BTN3A3: variants seen among roughly 807,000 people sequenced by gnomAD.
BTN3A3 encodes the protein butyrophilin subfamily 3 member A3.
BTN3A3 carries 39 observed loss-of-function variants against 43.2 expected under a neutral mutation model. That is an observed-to-expected ratio of 0.90 (90% CI 0.70 to 1.18). The LOEUF (loss-of-function observed/expected upper bound fraction) is 1.18, where lower values mean the gene tolerates loss of function less well. Among genes scored for constraint, BTN3A3 ranks in the 50% most tolerant of loss-of-function variants. BTN3A3 has a pLI of 0.00. For synonymous variants in BTN3A3, 255 were observed against 272.7 expected (o/e 0.93, Z 0.64); for missense variants, 631 against 722.8 (o/e 0.87, Z 1.46).
Position 26,444,135 on chromosome 6 carries a change from G to A in BTN3A3, c.264G>A (p.Arg88=). 1 of 1,613,200 alleles carries A rather than the reference G, an allele frequency of 6.2e-7. No homozygotes were observed. The highest frequency in any genetic ancestry group is 8.5e-7 in the Non-Finnish European group (1 of 1,179,874). ...CAGATGGAAAGGAAGTGGAAGACAGGCAGAGTGCACCGTATCGAGGGAGAA... is the reference window on the plus strand; with the variant it reads ...CAGATGGAAAGGAAGTGGAAGACAGACAGAGTGCACCGTATCGAGGGAGAA... The part of the protein sequence containing the change: ...VYADGKEVED[R]QSAPYRGRTS... The change falls in exon 4 of 11, where the codon AGG becomes AGA. Residue 88 remains arginine, a synonymous_variant. Transcript: ENST00000244519.
chr6:26,448,868 C>T, intron 8 of BTN3A3, 114 bp downstream of exon 8: 1 of 1,273,674 alleles, frequency 7.9e-7, no homozygotes, highest in Non-Finnish European at 1.1e-6. Context: ...GGTCCTAGAT[C>T]CCTTTACTCA....
chr6:26,450,991 C>T (rs1486597327), intron 10 of BTN3A3, among the ~76,000 whole-genome samples: 1 of 152,134 alleles, frequency 6.6e-6, no homozygotes, highest in Non-Finnish European at 1.5e-5. Flanking sequence ...AACAGCAAAC[C>T]AGAAGACAAG....
In BTN3A3 at chr6:26,448,403, A is replaced by G; in HGVS notation, c.871A>G (p.Lys291Glu). The change falls in exon 6 of 11, where the codon AAA becomes GAA. Residue 291 changes from lysine (K) to glutamate (E), a missense_variant. This residue lies in a region of BTN3A3 where 551 missense variants were observed against 584.0 expected (regional missense o/e 0.94). Transcript: ENST00000244519. ...GGAGACAGAAAGAGAGCGAGAGATG[A>G]AAGAAATGGGATACGCTGCAACAGA... ...SRETEREREM[K>E]EMGYAATEQE... 6.2e-7 allele frequency: 1 copy of G among 1,613,958 alleles called. No homozygotes were observed. The highest frequency in any genetic ancestry group is 8.5e-7 in the Non-Finnish European group (1 of 1,179,990).
At position 26,448,729 on chromosome 6, in the gene BTN3A3, G is replaced by C. The variant is rs747007139; in HGVS notation, c.939G>C (p.Lys313Asn). Residue 313 changes from lysine (K) to asparagine (N), a missense_variant and splice_region_variant, in exon 8 of 11, where the codon AAG becomes AAC. Lys to Asn is a moderately conservative substitution (Grantham distance 94). Around this residue, in one of 2 missense-constraint regions of BTN3A3, gnomAD observed 551 missense variants for 584.0 expected, o/e 0.94. Transcript: ENST00000244519. ...SLREKLQEEL[K>N]WRKIQYMARG... ...CCTTCCCTATTCATTCCATTGCAGA[G>C]TGGAGGAAAATCCAGTACATGGCTC... 1.9e-6 allele frequency: 3 copies of C among 1,613,886 alleles called. No homozygotes were observed. The highest frequency in any genetic ancestry group is 2.5e-6 in the Non-Finnish European group (3 of 1,179,996).
chr6:26,444,375 A>C (rs1762718817), intron 4 of BTN3A3, 71 bp downstream of exon 4: 3 of 1,609,540 alleles, frequency 1.9e-6, no homozygotes, highest in East Asian at 2.2e-5. Flanking sequence ...TCCCTCTTCC[A>C]AAAGTACTGC....
chr6:26,448,676 T>C (rs1227185794), intron 7 of BTN3A3, 39 bp downstream of exon 7: 4 of 1,614,096 alleles, frequency 2.5e-6, no homozygotes, highest in Middle Eastern at 1.6e-4. Context: ...GCATGTCTTC[T>C]TATCCCCACT....
intron 9 of BTN3A3, 105 bp from the exon 10 acceptor site, chr6:26,450,002 G>A: frequency 7.6e-7 from 1 of 1,322,372 alleles, no homozygotes; most frequent in Non-Finnish European, 1.1e-6. Flanking sequence ...AAGCCTGGAA[G>A]AGACTCTGAA....
Position 26,451,895 on chromosome 6 carries a change from T to C in BTN3A3, c.1239T>C (p.Ser413=). The C allele has an allele frequency of 3.7e-6, 6 of 1,614,024 alleles. No homozygotes were observed. The highest frequency in any genetic ancestry group is 5.1e-6 in the Non-Finnish European group (6 of 1,179,998). The change falls in exon 11 of 11, where the codon AGT becomes AGC. Residue 413 remains serine (S), a synonymous_variant. Transcript: ENST00000244519. ...DRKEWHIGVC[S]KNVERKKGWV... ...AAGAGTGGCATATTGGGGTATGTAG[T>C]AAGAACGTGGAGAGGAAAAAAGGTT...
chr6:26,445,927 C>T lies in BTN3A3; in HGVS notation c.657C>T (p.Ser219=). 1.9e-6 allele frequency: 3 copies of T among 1,614,098 alleles called. No individual in the cohort carries two copies. The highest frequency in any genetic ancestry group is 2.5e-6 in the Non-Finnish European group (3 of 1,180,018). Residue 219 remains serine (S), a synonymous_variant, in exon 5 of 11, where the codon TCC becomes TCT. Coordinates refer to ENST00000244519, the MANE Select transcript of BTN3A3 (RefSeq NM_006994.5). The part of the protein sequence containing the change: ...IMRGSSGGGV[S]CIIRNSLLGL... ...GAGGCAGCTCTGGTGGGGGTGTATC[C>T]TGCATCATCAGAAATTCCCTCCTCG...
Position 26,452,081 on chromosome 6 carries a change from T to C in BTN3A3, c.1425T>C (p.Tyr475=), listed in dbSNP as rs142813836. The C allele has an allele frequency of 5.0e-5, 80 of 1,614,184 alleles. No individual in the cohort carries two copies. Among genetic ancestry groups the C allele is most frequent in the East Asian group, 2.0e-4 (9 of 44,890 alleles). Residue 475 remains tyrosine, a synonymous_variant, in exon 11 of 11, where the codon TAT becomes TAC. Transcript: ENST00000244519. ...ATGAGACTGGAGAGATCTCGTTCTA[T>C]AATGCCACAGATGGATCTCATATCT... The part of the protein sequence containing the change: ...LDYETGEISF[Y]NATDGSHIYT...
rs145699923 is a variant in BTN3A3 at position 26,452,433 on chromosome 6, T to A, written c.*22T>A. 861 of 1,563,580 alleles carry A rather than the reference T, an allele frequency of 5.5e-4. 6 individuals carry two copies. The East Asian group carries it at 0.016, about 30-fold the overall frequency. On this transcript the variant is annotated 3_prime_UTR_variant, in exon 11 of 11. Transcript: ENST00000244519. ...CTGATATTCATTCCATTATTCCATA[T>A]GACAGTTGTTTTGAGTTTCGTACCA... is the stretch of plus-strand genomic sequence containing the variant.
At position 26,443,659 on chromosome 6, in the gene BTN3A3, G is replaced by C. The variant is rs992469756; in HGVS notation, c.85G>C (p.Ala29Pro). ...GGTCCAGCTGCTCACTCCTTGCTCA[G>C]GTAGGGAATGATTCCATGATTCCAC... ...FLVQLLTPCS[A>P]QFSVLGPSGP... Residue 29 changes from alanine (A) to proline (P), a missense_variant and splice_region_variant, in exon 3 of 11, where the codon GCT (alanine) becomes CCT (proline). Ala to Pro is a conservative substitution (Grantham distance 27). This residue lies in a region of BTN3A3 where 80 missense variants were observed against 138.7 expected (regional missense o/e 0.58). Transcript: ENST00000244519. 3.7e-6 allele frequency: 6 copies of C among 1,614,030 alleles called. No homozygotes were observed. The Admixed American group carries it at 1.0e-4, about 27-fold the overall frequency.
At chr6:26,451,595 G>C in intron 10 of BTN3A3, 80 bp from the exon 11 acceptor site, 1 of 1,537,332 alleles carries the variant, frequency 6.5e-7, no homozygotes, top group South Asian at 1.3e-5. Context: ...TCCTTAGCAT[G>C]GTCCAGGCCT....
At position 26,452,420 on chromosome 6, in the gene BTN3A3, C is replaced by T. The variant is rs1305739367; in HGVS notation, c.*9C>T. On this transcript the variant is annotated 3_prime_UTR_variant, in exon 11 of 11. Coordinates refer to ENST00000244519, the MANE Select transcript of BTN3A3 (RefSeq NM_006994.5). ...CTGAAGCACTTTACTGATATTCATT[C>T]CATTATTCCATATGACAGTTGTTTT... 1.3e-6 allele frequency: 2 copies of T among 1,582,830 alleles called. No homozygotes were observed. The highest frequency in any genetic ancestry group is 1.1e-5 in the South Asian group (1 of 88,956).
Position 26,444,286 on chromosome 6 carries a change from G to A in BTN3A3, c.415G>A (p.Val139Met), listed in dbSNP as rs1209754037. 4.3e-6 allele frequency: 7 copies of A among 1,612,042 alleles called. No individual in the cohort carries two copies. In the South Asian group the frequency reaches 6.6e-5, roughly 15 times the overall value. ...QDGDFYEKAL[V>M]ELKVAALGSD... ...TGGTGACTTCTACGAAAAAGCCCTG[G>A]TGGAGCTGAAGGTTGCAGGTGAGCC... The change falls in exon 4 of 11, where the codon GTG becomes ATG. Residue 139 changes from valine to methionine, a missense_variant. Physicochemically the swap from Val to Met is conservative, Grantham distance 21. This residue lies in a region of BTN3A3 where 551 missense variants were observed against 584.0 expected (regional missense o/e 0.94). Coordinates refer to ENST00000244519, the MANE Select transcript of BTN3A3 (RefSeq NM_006994.5).
chr6:26,447,446 C>T (rs1229538018), intron 5 of BTN3A3, among the ~76,000 whole-genome samples: 2 of 151,180 alleles, frequency 1.3e-5, no homozygotes, highest in Non-Finnish European at 2.9e-5. Flanking sequence ...CACTGCAAGC[C>T]CCGCTTCCTG....
At position 26,448,353 on chromosome 6, in the gene BTN3A3, A is replaced by G. The variant is rs760817724; in HGVS notation, c.821A>G (p.Gln274Arg). ...GCCAGTTACTTCTTGTGGAGACAACAGAAGGAAAAAATTGCTCTGTCCAGG... is the reference window on the plus strand; with the variant it reads ...GCCAGTTACTTCTTGTGGAGACAACGGAAGGAAAAAATTGCTCTGTCCAGG... ...AGASYFLWRQQKEKIALSRET... is the reference protein window; with the variant it reads ...AGASYFLWRQRKEKIALSRET... Residue 274 changes from glutamine (Q) to arginine (R), a missense_variant, in exon 6 of 11, where the codon CAG becomes CGG. Gln to Arg is a conservative substitution (Grantham distance 43). Coordinates refer to ENST00000244519, the MANE Select transcript of BTN3A3 (RefSeq NM_006994.5). 6.2e-7 allele frequency: 1 copy of G among 1,613,956 alleles called. No individual in the cohort carries two copies. The highest frequency in any genetic ancestry group is 2.2e-5 in the East Asian group (1 of 44,868).
intron 10 of BTN3A3, 93 bp from the exon 11 acceptor site, chr6:26,451,582 A>G: frequency 2.0e-6 from 3 of 1,514,598 alleles, no homozygotes; most frequent in Non-Finnish European, 2.6e-6. Flanking sequence ...TTCTGGAAGG[A>G]CCTCCTTAGC....
In BTN3A3 at chr6:26,452,757, T is replaced by A; in HGVS notation, c.*346T>A. 1 of 220,644 alleles carries A rather than the reference T, an allele frequency of 4.5e-6. No individual in the cohort carries two copies. 13.7% of individuals were successfully genotyped at this position (220,644 alleles called of 1,614,324 possible). A position where few individuals can be genotyped will look rare whatever the true frequency, so the allele number is the denominator to read the frequency against. ...TTGTGCAGTTGGGAGATGTTCAGCCTTAGTCCCTGGCTAATTGCCTGTTCT... is the reference window on the plus strand; with the variant it reads ...TTGTGCAGTTGGGAGATGTTCAGCCATAGTCCCTGGCTAATTGCCTGTTCT... On this transcript the variant is annotated 3_prime_UTR_variant, in exon 11 of 11. Coordinates refer to ENST00000244519, the MANE Select transcript of BTN3A3 (RefSeq NM_006994.5).
Sources: allele counts gnomAD v4.1 joint callset (sites outside exome capture counted in the v4.1 genomes callset), GRCh38; gene constraint gnomAD v4.1.1; regional missense constraint gnomAD v4.1.1; transcripts MANE v1.5; gene names NCBI Gene and HGNC (gene_info 2026-07-23, HGNC 2026-07-21).